Variants in CBFA2T2 observed in about 807,000 individuals in gnomAD.
CBFA2T2 encodes CBFA2/RUNX1 partner transcriptional co-repressor 2, also known as protein CBFA2T2.
CBFA2T2 carries 11 observed loss-of-function variants against 62.2 expected under a neutral mutation model. The ratio of observed to expected loss-of-function variants is 0.18; its 90% confidence interval spans 0.11 to 0.29. CBFA2T2 has a LOEUF of 0.29. CBFA2T2 is among the 10% of genes least tolerant of loss of function. The probability of loss-of-function intolerance (pLI) is 1.00; values close to 1 mark genes in which losing one functional copy is unlikely to be tolerated. For synonymous variants in CBFA2T2, 295 were observed against 287.5 expected (o/e 1.03, Z -0.27); for missense variants, 592 against 774.1 (o/e 0.76, Z 2.79).
chr20:33,617,246 A>AT lies in CBFA2T2; in HGVS notation c.421-2266dup, dbSNP rs1215674564. Among the ~76,000 whole-genome samples, 4 of 151,810 alleles carry AT rather than the reference A, an allele frequency of 2.6e-5. No individual in the cohort carries two copies. In the East Asian group the frequency reaches 5.8e-4, roughly 22 times the overall value. On this transcript the variant is annotated intron_variant, in intron 3 of 10. Transcript: ENST00000342704. Reference sequence around the variant, plus strand: ...TAGACCCTATCTCTGAAAAAAAAAAATTTTTAAGCAAATACGTCTTCTCTG... The same window carrying AT: ...TAGACCCTATCTCTGAAAAAAAAAAATTTTTTAAGCAAATACGTCTTCTCTG...
At chr20:33,639,263 T>G (rs2016735611) in intron 9 of CBFA2T2, 1 of 152,200 alleles carries the variant, frequency 6.6e-6, no homozygotes, top group Non-Finnish European at 1.5e-5. Flanking sequence ...GAATCCTTTA[T>G]GGAGTTTCCT....
At chr20:33,498,499 C>T (rs1188027601) in intron 1 of CBFA2T2, among the ~76,000 whole-genome samples, 2 of 151,602 alleles carry the variant, frequency 1.3e-5, no homozygotes, top group Non-Finnish European at 2.9e-5. Context: ...GTCATCTGCC[C>T]ACCTCGGCCT....
intron 1 of CBFA2T2, among the ~76,000 whole-genome samples, chr20:33,514,019 G>C (rs2011555469): frequency 6.7e-6 from 1 of 148,650 alleles, no homozygotes; most frequent in African/African-American, 2.5e-5. Flanking sequence ...TCCTACCTCA[G>C]CCTCCCAAGT....
chr20:33,581,336 C>A (rs1212495200), intron 1 of CBFA2T2, among the ~76,000 whole-genome samples: 1 of 152,212 alleles, frequency 6.6e-6, no homozygotes, highest in Admixed American at 6.5e-5. Flanking sequence ...GAATGACAGG[C>A]ATGAGCCACC....
At chr20:33,536,314 T>G (rs2012231210) in intron 1 of CBFA2T2, among the ~76,000 whole-genome samples, 1 of 118,246 alleles carries the variant, frequency 8.5e-6, no homozygotes, top group African/African-American at 3.2e-5. Flanking sequence ...CCCCCCCACC[T>G]CCCTCCCAGA....
At chr20:33,603,777 T>C (rs2015234503) in intron 1 of CBFA2T2, among the ~76,000 whole-genome samples, 1 of 152,224 alleles carries the variant, frequency 6.6e-6, no homozygotes. Context: ...GTTGATTCTT[T>C]AATGGGATCC....
intron 1 of CBFA2T2, among the ~76,000 whole-genome samples, chr20:33,565,768 G>GCTTC (rs1285877664): frequency 6.6e-6 from 1 of 152,094 alleles, no homozygotes; most frequent in Non-Finnish European, 1.5e-5. Context: ...TCCTAAATTG[G>GCTTC]CTTCCAGTAA....
intron 2 of CBFA2T2, 90 bp downstream of exon 2, chr20:33,607,189 T>G: frequency 8.3e-7 from 1 of 1,204,622 alleles, no homozygotes; most frequent in Non-Finnish European, 1.1e-6. Context: ...CATATATTAT[T>G]CAGTGTTTTC....
intron 1 of CBFA2T2, among the ~76,000 whole-genome samples, chr20:33,598,999 G>A (rs889452540): frequency 1.3e-5 from 2 of 152,098 alleles, no homozygotes; most frequent in African/African-American, 4.8e-5. Flanking sequence ...GGTGGCTTAC[G>A]CCTGTAATCC....
At chr20:33,565,426 G>C (rs1259700799) in intron 1 of CBFA2T2, among the ~76,000 whole-genome samples, 1 of 152,084 alleles carries the variant, frequency 6.6e-6, no homozygotes, top group African/African-American at 2.4e-5. Flanking sequence ...GGGAGAAAAG[G>C]ACTTAATGCT....
At chr20:33,543,335 A>G (rs1048532090) in intron 1 of CBFA2T2, among the ~76,000 whole-genome samples, 2 of 152,174 alleles carry the variant, frequency 1.3e-5, no homozygotes. Flanking sequence ...ATAGTGATAC[A>G]CTTTTGTATT....
At chr20:33,634,160 G>A (rs1260000804) in intron 8 of CBFA2T2, among the ~76,000 whole-genome samples, 4 of 152,020 alleles carry the variant, frequency 2.6e-5, no homozygotes, top group South Asian at 2.1e-4. Flanking sequence ...GTAAAGACGG[G>A]GTTTCACCAT....
rs996615215 is a variant in CBFA2T2, at chr20:33,645,921, A to C, written c.*1275A>C. On this transcript the variant is annotated 3_prime_UTR_variant, in exon 11 of 11. Transcript: ENST00000342704. ...TTTTCTTCCTAGCTTCCCATTTTCA[A>C]ATGGGACATCACTCATATCCCTTTC... 6 of 152,110 alleles carry C rather than the reference A, an allele frequency of 3.9e-5. No homozygotes were observed. The highest frequency in any genetic ancestry group is 8.8e-5 in the Non-Finnish European group (6 of 68,014). The allele number at this position is 152,110 out of a possible 1,614,324, so 9.4% of individuals were successfully genotyped here.
At chr20:33,623,436 AG>A (rs2016074572) in intron 5 of CBFA2T2, 140 bp downstream of exon 5, 6 of 947,018 alleles carry the variant, frequency 6.3e-6, no homozygotes, top group Non-Finnish European at 9.6e-6. Flanking sequence ...TCTGTCGCCC[AG>A]ACTGGAGCGC....
chr20:33,643,757 A>C (rs1477322702), intron 10 of CBFA2T2, among the ~76,000 whole-genome samples: 21 of 468 alleles, frequency 0.045, no homozygotes, highest in Admixed American at 0.038. Context: ...TCTCTACTAT[A>C]TATATATATA....
intron 1 of CBFA2T2, among the ~76,000 whole-genome samples, chr20:33,507,040 A>G (rs2011415173): frequency 6.6e-6 from 1 of 152,128 alleles, no homozygotes; most frequent in African/African-American, 2.4e-5. Flanking sequence ...TCTTGGTGTT[A>G]CCCTGTTAGT....
chr20:33,490,382 C>T (rs1479286828), intron 1 of CBFA2T2, 81 bp downstream of exon 1: 62 of 1,202,092 alleles, frequency 5.2e-5, no homozygotes, highest in Non-Finnish European at 6.5e-5. Context: ...TCCGAGTGCC[C>T]CGGGCGCGAG....
At chr20:33,623,483 C>T (rs1221164096) in intron 5 of CBFA2T2, among the ~76,000 whole-genome samples, 187 bp downstream of exon 5, 1 of 152,230 alleles carries the variant, frequency 6.6e-6, no homozygotes, top group Non-Finnish European at 1.5e-5. Flanking sequence ...GCCTCCATCT[C>T]CTGGGCTCAA....
Position 33,648,464 on chromosome 20 carries a change from C to G in CBFA2T2, c.*3818C>G, listed in dbSNP as rs1162746216. 1 of 152,392 alleles carries G rather than the reference C, an allele frequency of 6.6e-6. No individual in the cohort carries two copies. Among genetic ancestry groups the G allele is most frequent in the Non-Finnish European group, 1.5e-5 (1 of 68,144 alleles). 9.4% of individuals were successfully genotyped at this position (152,392 alleles called of 1,614,324 possible). On this transcript the variant is annotated 3_prime_UTR_variant, in exon 11 of 11. Transcript: ENST00000342704. The stretch of plus-strand genomic sequence containing the variant: ...TGTCCTTTTTGTCCCCACTTGCCTG[C>G]ACCGTGCCTGACTCATCCAGTGGGG...
Sources: allele counts gnomAD v4.1 joint callset (sites outside exome capture counted in the v4.1 genomes callset), GRCh38; gene constraint gnomAD v4.1.1; transcripts MANE v1.5; gene names NCBI Gene and HGNC (gene_info 2026-07-23, HGNC 2026-07-21).